Variants in ARID2 observed in about 807,000 individuals in gnomAD.
The protein encoded by ARID2 is AT-rich interaction domain 2.
In ARID2, 32 loss-of-function variants were observed where a neutral mutation model predicts 184.6. The ratio of observed to expected loss-of-function variants is 0.17; its 90% CI spans 0.13 to 0.23. The LOEUF (loss-of-function observed/expected upper bound fraction) is 0.23. Ranked by LOEUF, ARID2 falls within the 10% of genes least tolerant of loss-of-function variation. The pLI, the probability that ARID2 is intolerant of heterozygous loss-of-function variation, is 1.00. For synonymous variants in ARID2, 836 were observed against 772.6 expected, an observed-to-expected ratio of 1.08 and a Z score of -1.36; for missense variants, 1,696 against 2,197.6, an observed-to-expected ratio of 0.77 and a Z score of 4.56.
At chr12:45,866,732 T>C (rs1435434496) in intron 16 of ARID2, among the ~76,000 whole-genome samples, 1 of 152,192 alleles carries the variant, frequency 6.6e-6, no homozygotes, top group Middle Eastern at 3.2e-3. Context: ...TACAACAAAA[T>C]TGAATGGCAA....
chr12:45,813,449 C>T (rs1258478313), intron 4 of ARID2, among the ~76,000 whole-genome samples: 2 of 124,518 alleles, frequency 1.6e-5, no homozygotes, highest in East Asian at 2.2e-4. Flanking sequence ...TGTGTGCGTG[C>T]ATGTGTTCTA....
At position 45,729,843 on chromosome 12, in the gene ARID2, A is replaced by C. The variant is rs868029449; in HGVS notation, c.7A>C (p.Asn3His). The C allele has an allele frequency of 6.2e-7, 1 of 1,610,028 alleles. No homozygotes were observed. The change falls in exon 1 of 21, where the codon AAC becomes CAC. Residue 3 changes from asparagine (N) to histidine (H), a missense_variant. Around this residue, in one of 11 missense-constraint regions of ARID2, gnomAD observed 54 missense variants for 59.9 expected, o/e 0.90. Transcript: ENST00000334344. The stretch of plus-strand genomic sequence containing the variant: ...AACCTCCTTTGAAAAAATAATGGCA[A>C]ACTCGACGGGGAAGGCGCCTCCGGA... The part of the protein sequence containing the change: MA[N>H]STGKAPPDER...
rs553732684 is a variant in ARID2 at position 45,849,928 on chromosome 12, T to C, written c.1913-108T>C. On this transcript the variant is annotated intron_variant, in intron 14 of 20. Transcript: ENST00000334344. Reference sequence around the variant, plus strand: ...ATTACCATATTCATATGATTCAAAATTGTTAGATGTTAATTTCTTAAAACT... The same window carrying C: ...ATTACCATATTCATATGATTCAAAACTGTTAGATGTTAATTTCTTAAAACT... 2.4e-5 allele frequency: 35 copies of C among 1,448,160 alleles called. 2 individuals are homozygous for C. In the South Asian group the frequency reaches 5.0e-4, roughly 21 times the overall value. The allele number at this position is 1,448,160 out of a possible 1,614,324, so 89.7% of individuals were successfully genotyped here. A position where few individuals can be genotyped will look rare whatever the true frequency, so the allele number is the denominator to read the frequency against.
chr12:45,807,811 A>AT (rs1462200363), intron 3 of ARID2, among the ~76,000 whole-genome samples: 1 of 152,202 alleles, frequency 6.6e-6, no homozygotes, highest in Non-Finnish European at 1.5e-5. Flanking sequence ...CTTGGTGATG[A>AT]TATTCAAGTC....
At chr12:45,840,956 A>G (rs1333509438) in intron 11 of ARID2, 1 of 152,184 alleles carries the variant, frequency 6.6e-6, no homozygotes, top group Non-Finnish European at 1.5e-5. Context: ...CAGTCTATTC[A>G]ATGAGCTTTC....
At position 45,850,814 on chromosome 12, in the gene ARID2, A is replaced by C; in HGVS notation, c.2691A>C (p.Ala897=). 1 of 1,614,040 alleles carries C rather than the reference A, an allele frequency of 6.2e-7. No individual in the cohort carries two copies. Among genetic ancestry groups the C allele is most frequent in the Non-Finnish European group, 8.5e-7 (1 of 1,180,006 alleles). Residue 897 remains alanine (A), a synonymous_variant, in exon 15 of 21, where the codon GCA becomes GCC. Transcript: ENST00000334344. ...CAAGGGTAGGGTTTCAGAACATTGC[A>C]CCAAAACCTCTCCCTTCTCAGCAAG... The part of the protein sequence containing the change: ...QASRVGFQNI[A]PKPLPSQQVS...
chr12:45,882,237 C>G (rs1251706295), intron 16 of ARID2: 3 of 152,340 alleles, frequency 2.0e-5, no homozygotes, highest in Middle Eastern at 3.4e-3. Flanking sequence ...GACCCCAAGG[C>G]CCAGGTCTCC....
At chr12:45,772,898 C>T (rs937537548) in intron 3 of ARID2, among the ~76,000 whole-genome samples, 2 of 152,132 alleles carry the variant, frequency 1.3e-5, no homozygotes, top group Admixed American at 6.5e-5. Flanking sequence ...TGTAAGTCAA[C>T]CAGACCAAAC....
At chr12:45,840,727 A>G (rs1217828978) in intron 11 of ARID2, 1 of 152,100 alleles carries the variant, frequency 6.6e-6, no homozygotes, top group Non-Finnish European at 1.5e-5. Context: ...ATCTGTTCTC[A>G]CGTTCATTCA....
chr12:45,799,091 A>G (rs1942446247), intron 3 of ARID2, among the ~76,000 whole-genome samples: 2 of 152,024 alleles, frequency 1.3e-5, no homozygotes, highest in Non-Finnish European at 2.9e-5. Context: ...AGCTTTTATA[A>G]TTTTTTAAAA....
chr12:45,849,716 T>G lies in ARID2; in HGVS notation c.1852T>G (p.Ser618Ala). 1 of 1,613,844 alleles carries G rather than the reference T, an allele frequency of 6.2e-7. No individual in the cohort carries two copies. The highest frequency in any genetic ancestry group is 8.5e-7 in the Non-Finnish European group (1 of 1,179,806). The change falls in exon 14 of 21, where the codon TCT (serine) becomes GCT (alanine). Residue 618 changes from serine to alanine, a missense_variant. By Grantham distance (99) the Ser-to-Ala change is moderately conservative. Coordinates refer to ENST00000334344, the MANE Select transcript of ARID2 (RefSeq NM_152641.4). ...IQMYYQQQPVSTSVVRVDSVP... is the reference protein window; with the variant it reads ...IQMYYQQQPVATSVVRVDSVP... ...GATGTACTATCAGCAGCAACCAGTT[T>G]CTACTTCTGTTGTTCGTGTTGATTC... is the stretch of plus-strand genomic sequence containing the variant.
intron 16 of ARID2, among the ~76,000 whole-genome samples, chr12:45,876,837 C>T (rs1329056389): frequency 1.1e-4 from 17 of 150,500 alleles, no homozygotes; most frequent in African/African-American, 3.7e-4. Context: ...CGCCTGTAAT[C>T]CCAGCACTTT....
At chr12:45,774,426 CA>C (rs1224521861) in intron 3 of ARID2, among the ~76,000 whole-genome samples, 2 of 152,108 alleles carry the variant, frequency 1.3e-5, no homozygotes, top group Non-Finnish European at 2.9e-5. Context: ...TCATACCTGT[CA>C]AAGATCATTT....
In ARID2 at chr12:45,787,229, T is replaced by G. The variant is rs555619711; in HGVS notation, c.285-24189T>G. On this transcript the variant is annotated intron_variant, in intron 3 of 20. Coordinates refer to ENST00000334344, the MANE Select transcript of ARID2 (RefSeq NM_152641.4). ...TACCTATTTCTTTTCTTTTTTTTTT[T>G]TTTTTAAAGACAGGGTCTCCCTCTG... 1.9e-4 allele frequency among the ~76,000 whole-genome samples: 29 copies of G among 151,478 alleles called. No individual in the cohort carries two copies. The South Asian group carries it at 5.9e-3, about 31-fold the overall frequency.
At chr12:45,879,553 A>G (rs1022332613) in intron 16 of ARID2, among the ~76,000 whole-genome samples, 1 of 152,204 alleles carries the variant, frequency 6.6e-6, no homozygotes, top group South Asian at 2.1e-4. Context: ...GGCTCCAGCT[A>G]TAAGGGCTGA....
intron 16 of ARID2, among the ~76,000 whole-genome samples, chr12:45,882,543 A>G (rs1944122460): frequency 6.6e-6 from 1 of 152,266 alleles, no homozygotes; most frequent in Non-Finnish European, 1.5e-5. Flanking sequence ...TCTAAAGACG[A>G]GCTGAATGTT....
At chr12:45,873,353 T>G (rs974319570) in intron 16 of ARID2, among the ~76,000 whole-genome samples, 3 of 152,254 alleles carry the variant, frequency 2.0e-5, no homozygotes, top group African/African-American at 7.2e-5. Flanking sequence ...TGATTTTCAC[T>G]GTAGTTGCAT....
At chr12:45,736,343 C>T (rs946378403) in intron 3 of ARID2, among the ~76,000 whole-genome samples, 4 of 146,122 alleles carry the variant, frequency 2.7e-5, no homozygotes, top group African/African-American at 7.7e-5. Flanking sequence ...GGTGACAGAG[C>T]GAGACTCCGT....
chr12:45,881,137 C>A, intron 16 of ARID2: 1 of 153,768 alleles, frequency 6.5e-6, no homozygotes, highest in South Asian at 2.0e-4. Context: ...AGGGGGGCAG[C>A]TGAATGAAGG....
Sources: allele counts gnomAD v4.1 joint callset (sites outside exome capture counted in the v4.1 genomes callset), GRCh38; gene constraint gnomAD v4.1.1; regional missense constraint gnomAD v4.1.1; transcripts MANE v1.5; gene names NCBI Gene and HGNC (gene_info 2026-07-23, HGNC 2026-07-21).